SOX6: variants seen among roughly 807,000 people sequenced by gnomAD.
The protein encoded by SOX6 is SRY-box transcription factor 6.
A neutral mutation model predicts 97.8 loss-of-function variants in SOX6; 11 were observed. That is an observed-to-expected ratio of 0.11 (90% CI 0.07 to 0.19). The LOEUF (loss-of-function observed/expected upper bound fraction) is 0.19. Among genes scored for constraint, SOX6 ranks in the 10% least tolerant of loss-of-function variants. The pLI, the probability that SOX6 is intolerant of heterozygous loss-of-function variation, is 1.00. For missense variants in SOX6, 810 were observed against 1,039.5 expected (o/e 0.78, Z 3.04); for synonymous variants, 360 against 371.4 (o/e 0.97, Z 0.35).
At chr11:16,052,075 T>C (rs1212612660) in intron 10 of SOX6, among the ~76,000 whole-genome samples, 2 of 152,162 alleles carry the variant, frequency 1.3e-5, no homozygotes, top group Non-Finnish European at 2.9e-5. Flanking sequence ...TGCTCACGTT[T>C]TCCTCTATCT....
chr11:16,418,292 T>G (rs1023786292), intron 1 of SOX6, among the ~76,000 whole-genome samples: 3 of 152,202 alleles, frequency 2.0e-5, no homozygotes, highest in African/African-American at 7.2e-5. Flanking sequence ...TAATCATCAT[T>G]AGTTCATTTT....
chr11:16,722,420 G>A (rs1451161724), intron 2 of SOX6, among the ~76,000 whole-genome samples: 1 of 152,184 alleles, frequency 6.6e-6, no homozygotes, highest in Non-Finnish European at 1.5e-5. Flanking sequence ...CGGAGGCCGA[G>A]GCAGGCGGAT....
At chr11:16,505,708 TCTGTGAGC>T (rs1406901137) in intron 4 of SOX6, among the ~76,000 whole-genome samples, 1 of 152,162 alleles carries the variant, frequency 6.6e-6, no homozygotes, top group Non-Finnish European at 1.5e-5. Flanking sequence ...GAAAAATGGT[TCTGTGAGC>T]CATACTCAGG....
intron 3 of SOX6, among the ~76,000 whole-genome samples, chr11:16,688,789 G>A (rs750595637): frequency 1.3e-5 from 2 of 152,124 alleles, no homozygotes; most frequent in Non-Finnish European, 2.9e-5. Flanking sequence ...TTGGATTGCC[G>A]TTAAATTGTT....
At chr11:16,187,061 T>G (rs1851498935) in intron 4 of SOX6, 106 bp from the exon 5 acceptor site, 1 of 1,258,256 alleles carries the variant, frequency 7.9e-7, no homozygotes, top group Non-Finnish European at 1.2e-6. Context: ...CATTTAAAGA[T>G]CTGGGACAAT....
chr11:16,536,591 C>T (rs1590236748), intron 4 of SOX6, among the ~76,000 whole-genome samples: 2 of 152,290 alleles, frequency 1.3e-5, no homozygotes, highest in South Asian at 2.1e-4. Flanking sequence ...AACAGTACAC[C>T]CCCACACAAA....
intron 4 of SOX6, among the ~76,000 whole-genome samples, chr11:16,528,486 A>T (rs1426402553): frequency 6.6e-6 from 1 of 152,094 alleles, no homozygotes; most frequent in Non-Finnish European, 1.5e-5. Context: ...ATTTGCTCTT[A>T]CTTCCATCCC....
chr11:16,148,686 G>A (rs1266558232), intron 6 of SOX6, among the ~76,000 whole-genome samples: 1 of 151,918 alleles, frequency 6.6e-6, no homozygotes, highest in Non-Finnish European at 1.5e-5. Context: ...GCGCACCCAC[G>A]CACACTAAAA....
chr11:16,653,801 C>T (rs558378833), intron 3 of SOX6, among the ~76,000 whole-genome samples: 25 of 152,134 alleles, frequency 1.6e-4, no homozygotes, highest in African/African-American at 5.8e-4. Flanking sequence ...ACTTCTTCAA[C>T]TTGCTATTGC....
At chr11:16,383,645 C>A (rs1341668431) in intron 1 of SOX6, among the ~76,000 whole-genome samples, 3 of 151,912 alleles carry the variant, frequency 2.0e-5, no homozygotes, top group Admixed American at 2.0e-4. Context: ...CTTTAATACC[C>A]TTAAAATATG....
chr11:16,465,634 A>G (rs1041481602), intron 1 of SOX6: 1 of 152,202 alleles, frequency 6.6e-6, no homozygotes, highest in African/African-American at 2.4e-5. Context: ...GGTTCCATTA[A>G]TGCTGTTGCT....
At chr11:16,068,993 C>T (rs1056450220) in intron 9 of SOX6, among the ~76,000 whole-genome samples, 4 of 152,166 alleles carry the variant, frequency 2.6e-5, no homozygotes, top group Non-Finnish European at 5.9e-5. Flanking sequence ...ACCATTAAAA[C>T]CTCTTTCATA....
intron 2 of SOX6, among the ~76,000 whole-genome samples, chr11:16,734,500 TCTC>T (rs1194338505): frequency 1.3e-5 from 2 of 152,120 alleles, no homozygotes; most frequent in African/African-American, 4.8e-5. Flanking sequence ...CCTTAAATCT[TCTC>T]CTTCTTGTTC....
chr11:16,585,680 ACT>A (rs1848083928), intron 4 of SOX6, among the ~76,000 whole-genome samples: 2 of 91,032 alleles, frequency 2.2e-5, no homozygotes, highest in Non-Finnish European at 4.5e-5. Flanking sequence ...TTTTTTTTTT[ACT>A]TTTTTTTTTT....
chr11:16,437,244 G>T (rs570437605), intron 1 of SOX6, among the ~76,000 whole-genome samples: 1 of 151,442 alleles, frequency 6.6e-6, no homozygotes, highest in Admixed American at 6.6e-5. Flanking sequence ...ACTCCGGCCT[G>T]GGGGGCAGAG....
chr11:16,164,522 C>A (rs918141840), intron 6 of SOX6, among the ~76,000 whole-genome samples: 5 of 152,172 alleles, frequency 3.3e-5, no homozygotes, highest in Admixed American at 3.3e-4. Context: ...TCTCTGGCTC[C>A]TTTGAAAGTT....
intron 4 of SOX6, among the ~76,000 whole-genome samples, chr11:16,219,426 T>A (rs573407931): frequency 1.4e-4 from 21 of 152,174 alleles, no homozygotes; most frequent in Admixed American, 3.9e-4. Flanking sequence ...ACTAGCAGAG[T>A]ACACGAATGA....
At position 16,655,912 on chromosome 11, in the gene SOX6, T is replaced by G. The variant is rs528282305; in HGVS notation, n.430-43652A>C. Among the ~76,000 whole-genome samples, 35 of 151,952 alleles carry G rather than the reference T, an allele frequency of 2.3e-4. 1 individual carries two copies. In the South Asian group the frequency reaches 7.3e-3, roughly 32 times the overall value. Reference sequence around the variant, plus strand: ...TGAGCCCAGGAGTTCAAGGCTGCAGTGAGCTATGATCACACCACTGCACTC... The same window carrying G: ...TGAGCCCAGGAGTTCAAGGCTGCAGGGAGCTATGATCACACCACTGCACTC... On this transcript the variant is annotated intron_variant and non_coding_transcript_variant, in intron 3 of 5. Transcript: ENST00000524520.
At chr11:16,623,028 G>C (rs1281356068) in intron 3 of SOX6, among the ~76,000 whole-genome samples, 1 of 151,820 alleles carries the variant, frequency 6.6e-6, no homozygotes, top group African/African-American at 2.4e-5. Flanking sequence ...GTGATGTTGA[G>C]CATTTTTTTT....
Sources: gnomAD v4.1 joint callset for allele counts (sites outside exome capture counted in the v4.1 genomes callset) on GRCh38, gnomAD v4.1.1 for gene constraint, MANE v1.5 for transcripts, NCBI Gene and HGNC (gene_info 2026-07-23, HGNC 2026-07-21) for gene names.